CAPZA1: variants seen among roughly 807,000 people sequenced by gnomAD.
The protein encoded by CAPZA1 is F-actin-capping protein subunit alpha-1.
A neutral mutation model predicts 40.8 loss-of-function variants in CAPZA1; 10 were observed. The ratio of observed to expected loss-of-function variants is 0.25; its 90% CI spans 0.15 to 0.42. The LOEUF (loss-of-function observed/expected upper bound fraction) is 0.42. Among genes scored for constraint, CAPZA1 ranks in the 10% least tolerant of loss-of-function variants. CAPZA1 has a pLI of 1.00. For synonymous variants in CAPZA1, 98 were observed against 115.0 expected (o/e 0.85, Z 0.95); for missense variants, 277 against 353.8 (o/e 0.78, Z 1.74).
At chr1:112,641,575 G>A (rs981482844) in intron 1 of CAPZA1, among the ~76,000 whole-genome samples, 5 of 151,660 alleles carry the variant, frequency 3.3e-5, no homozygotes, top group Non-Finnish European at 5.9e-5. Flanking sequence ...TTTTTATGTG[G>A]CTTATATCTG....
chr1:112,626,647 C>T (rs1670813960), intron 1 of CAPZA1, among the ~76,000 whole-genome samples: 1 of 152,030 alleles, frequency 6.6e-6, no homozygotes. Context: ...CACTCAGGAC[C>T]TTTTTTTATG....
intron 1 of CAPZA1, among the ~76,000 whole-genome samples, chr1:112,627,636 C>CA (rs3034524): frequency 0.011 from 551 of 50,768 alleles, 25 homozygotes; most frequent in Non-Finnish European, 0.015. Flanking sequence ...GACTCTGTCT[C>CA]AAAAAAAAAA....
At chr1:112,654,443 AT>A in intron 4 of CAPZA1, 21 bp from the exon 5 acceptor site, 2 of 1,525,494 alleles carry the variant, frequency 1.3e-6, no homozygotes, top group Non-Finnish European at 1.8e-6. Flanking sequence ...AGTTACTCAT[AT>A]GTTTAATGAT....
intron 7 of CAPZA1, among the ~76,000 whole-genome samples, chr1:112,661,498 CT>C (rs1557737328): frequency 6.6e-6 from 1 of 152,206 alleles, no homozygotes; most frequent in African/African-American, 2.4e-5. Flanking sequence ...CCTGAATAAA[CT>C]ACTTTTTCTC....
In CAPZA1 at chr1:112,659,772, A is replaced by T; in HGVS notation, c.578A>T (p.Lys193Met). Residue 193 changes from lysine to methionine, a missense_variant, in exon 7 of 10, where the codon AAG (lysine) becomes ATG (methionine). Physicochemically the swap from Lys to Met is moderately conservative, Grantham distance 95 (BLOSUM62 -1). Transcript: ENST00000263168. ...PPTAQVVGVL[K>M]IQVHYYEDGN... is the part of the protein sequence containing the mutation. ...ACAGCCCAGGTGGTTGGCGTGCTTA[A>T]GATTCAGGTGAGATTCCAACATGTT... The T allele has an allele frequency of 6.2e-7, 1 of 1,612,718 alleles. No individual in the cohort carries two copies. The highest frequency in any genetic ancestry group is 1.1e-5 in the South Asian group (1 of 91,002).
At position 112,654,453 on chromosome 1, in the gene CAPZA1, A is replaced by C; in HGVS notation, c.220-12A>C. On this transcript the variant is annotated splice_polypyrimidine_tract_variant and intron_variant, in intron 4 of 9. Transcript: ENST00000263168. ...TTTACAGTTACTCATATGTTTAATG[A>C]TTCTTTGGAAGGTCTTAATTACAGA... The C allele has an allele frequency of 1.3e-6, 2 of 1,578,554 alleles. No individual in the cohort carries two copies. The highest frequency in any genetic ancestry group is 1.7e-6 in the Non-Finnish European group (2 of 1,153,704).
At position 112,659,218 on chromosome 1, in the gene CAPZA1, T is replaced by G; in HGVS notation, c.506+117T>G. The G allele has an allele frequency of 4.3e-6, 3 of 698,150 alleles. 1 individual carries two copies. The South Asian group carries it at 4.9e-5, about 11-fold the overall frequency. The allele number at this position is 698,150 out of a possible 1,614,324, so 43.2% of individuals were successfully genotyped here. On this transcript the variant is annotated intron_variant, in intron 6 of 9. Coordinates refer to ENST00000263168, the MANE Select transcript of CAPZA1 (RefSeq NM_006135.3). ...AACTTACAGACTTCAGTTTTCCATC[T>G]ATAAATGAGGGATTTAGATTCCTTA...
intron 5 of CAPZA1, among the ~76,000 whole-genome samples, chr1:112,656,439 G>GGTTT (rs1671501002): frequency 2.2e-4 from 2 of 9,044 alleles, no homozygotes; most frequent in Admixed American, 2.0e-3. Context: ...CATTATGTTT[G>GGTTT]ATTTTTTTTT....
At chr1:112,669,635 A>G in intron 9 of CAPZA1, 30 bp downstream of exon 9, 5 of 1,429,398 alleles carry the variant, frequency 3.5e-6, no homozygotes, top group Non-Finnish European at 4.9e-6. Context: ...ATTTTCCTAG[A>G]TCTACTATCT....
At chr1:112,636,854 C>G (rs184494185) in intron 1 of CAPZA1, among the ~76,000 whole-genome samples, 1 of 152,336 alleles carries the variant, frequency 6.6e-6, no homozygotes, top group East Asian at 1.9e-4. Context: ...TCATTTCCCT[C>G]TCCCCTTTTG....
chr1:112,642,230 T>G (rs1178075172), intron 1 of CAPZA1, among the ~76,000 whole-genome samples: 4 of 75,286 alleles, frequency 5.3e-5, no homozygotes, highest in East Asian at 9.2e-4. Context: ...TTTTTTTTTT[T>G]GAGACAGAAT....
chr1:112,642,274 C>T (rs1274920817), intron 1 of CAPZA1, among the ~76,000 whole-genome samples: 3 of 135,852 alleles, frequency 2.2e-5, no homozygotes, highest in Non-Finnish European at 3.1e-5. Flanking sequence ...AGTGCAGTGG[C>T]GCAATCTTGA....
intron 8 of CAPZA1, 24 bp from the exon 9 acceptor site, chr1:112,669,519 T>TC (rs1399518396): frequency 1.3e-6 from 2 of 1,565,650 alleles, no homozygotes; most frequent in Admixed American, 3.4e-5. Context: ...AATCTGATTT[T>TC]CCCCTTCTTC....
intron 1 of CAPZA1, among the ~76,000 whole-genome samples, chr1:112,639,968 G>T (rs1167163987): frequency 1.6e-5 from 2 of 128,244 alleles, no homozygotes; most frequent in African/African-American, 2.9e-5. Context: ...GAGGTGGGGG[G>T]GTCAGCCCCC....
At chr1:112,626,703 G>T (rs1557725937) in intron 1 of CAPZA1, among the ~76,000 whole-genome samples, 2 of 151,920 alleles carry the variant, frequency 1.3e-5, no homozygotes, top group Admixed American at 1.3e-4. Flanking sequence ...TCTGCCTCAG[G>T]CCTCTCCTTT....
Position 112,654,678 on chromosome 1 carries a change from T to G in CAPZA1, c.426+7T>G. ...TTCCAACGGCTTCTGTACTGTTAAG[T>G]ATCTGACTGCTTCGTTATCAGAGAG... is the stretch of plus-strand genomic sequence containing the variant. On this transcript the variant is annotated splice_region_variant and intron_variant, in intron 5 of 9. Transcript: ENST00000263168. 1 of 1,565,754 alleles carries G rather than the reference T, an allele frequency of 6.4e-7. No individual in the cohort carries two copies. Among genetic ancestry groups the G allele is most frequent in the Non-Finnish European group, 8.7e-7 (1 of 1,150,210 alleles).
At chr1:112,656,467 A>C (rs1263396732) in intron 5 of CAPZA1, among the ~76,000 whole-genome samples, 1 of 2,622 alleles carries the variant, frequency 3.8e-4, no homozygotes, top group Non-Finnish European at 1.0e-3. Context: ...TTTTTTTTTT[A>C]ATGAGAATAC....
At chr1:112,654,701 G>A (rs547210125) in intron 5 of CAPZA1, 30 bp downstream of exon 5, 10 of 1,463,052 alleles carry the variant, frequency 6.8e-6, no homozygotes, top group South Asian at 6.2e-5. Flanking sequence ...CGTTATCAGA[G>A]AGTGTTTTCT....
intron 7 of CAPZA1, among the ~76,000 whole-genome samples, chr1:112,662,409 T>TC (rs1671633251): frequency 7.0e-6 from 1 of 143,448 alleles, no homozygotes; most frequent in Admixed American, 6.9e-5. Flanking sequence ...TTTTTTTTTT[T>TC]TTTTTTTGAG....
Sources: gnomAD v4.1 joint callset for allele counts (sites outside exome capture counted in the v4.1 genomes callset) on GRCh38, gnomAD v4.1.1 for gene constraint, MANE v1.5 for transcripts, NCBI Gene and HGNC (gene_info 2026-07-23, HGNC 2026-07-21) for gene names.